Variants in RNF121 observed in about 807,000 individuals in gnomAD.
RNF121 encodes E3 ubiquitin ligase RNF121.
Under a neutral mutation model 46.5 loss-of-function variants are expected in RNF121, and 21 were observed. The ratio of observed to expected loss-of-function variants is 0.45; its 90% CI spans 0.32 to 0.65. The LOEUF (loss-of-function observed/expected upper bound fraction) is 0.65, where lower values mean the gene tolerates loss of function less well. Among genes scored for constraint, RNF121 ranks in the 30% least tolerant of loss-of-function variants. The probability of loss-of-function intolerance (pLI) is 0.04; values close to 1 mark genes in which losing one functional copy is unlikely to be tolerated. For missense variants in RNF121, 346 were observed against 416.0 expected (o/e 0.83, Z 1.46); for synonymous variants, 139 against 144.7 (o/e 0.96, Z 0.28).
intron 6 of RNF121, among the ~76,000 whole-genome samples, chr11:71,991,050 T>G (rs1954854803): frequency 6.6e-6 from 1 of 152,074 alleles, no homozygotes; most frequent in African/African-American, 2.4e-5. Flanking sequence ...ATGGCAACAG[T>G]AGGCACTGGG....
chr11:71,954,159 A>T (rs980029434), intron 1 of RNF121, among the ~76,000 whole-genome samples: 9 of 152,220 alleles, frequency 5.9e-5, no homozygotes, highest in Non-Finnish European at 8.8e-5. Flanking sequence ...GCTTGGCCCC[A>T]AATGAATAAA....
intron 1 of RNF121, among the ~76,000 whole-genome samples, chr11:71,930,900 T>C (rs181662719): frequency 4.6e-5 from 7 of 152,332 alleles, no homozygotes; most frequent in Non-Finnish European, 7.3e-5. Context: ...TATTGCAATC[T>C]CAGCTCACCA....
At chr11:71,995,327 AGGGACTT>A (rs1356441230) in intron 7 of RNF121, 116 bp from the exon 8 acceptor site, 1 of 749,468 alleles carries the variant, frequency 1.3e-6, no homozygotes, top group African/African-American at 1.7e-5. Context: ...GTTCAGACAC[AGGGACTT>A]GCCCAACATT....
intron 1 of RNF121, among the ~76,000 whole-genome samples, chr11:71,956,991 G>C (rs1460684878): frequency 6.6e-6 from 1 of 152,188 alleles, no homozygotes; most frequent in Non-Finnish European, 1.5e-5. Flanking sequence ...GTCCTCCTCT[G>C]CCCTTATTGC....
intron 3 of RNF121, among the ~76,000 whole-genome samples, chr11:71,963,111 C>G (rs1954177444): frequency 6.6e-6 from 1 of 152,088 alleles, no homozygotes; most frequent in African/African-American, 2.4e-5. Context: ...GATAATAGAC[C>G]ATTATCAGAT....
At chr11:71,964,896 AAATCTGTATCAAATTGAATTACCCAC>A (rs1160664025) in intron 3 of RNF121, among the ~76,000 whole-genome samples, 2 of 152,222 alleles carry the variant, frequency 1.3e-5, no homozygotes, top group African/African-American at 4.8e-5. Context: ...GTTAGCTCTG[AAATCTGTATCAAATTGAATTACCCAC>A]AAGAGGTAAA....
chr11:71,933,571 A>C (rs1002605595), intron 1 of RNF121, among the ~76,000 whole-genome samples: 1 of 152,202 alleles, frequency 6.6e-6, no homozygotes, highest in African/African-American at 2.4e-5. Context: ...AGAACCCCTA[A>C]GGTGCTTGAA....
At chr11:71,991,521 G>A (rs1954862873) in intron 6 of RNF121, among the ~76,000 whole-genome samples, 1 of 152,178 alleles carries the variant, frequency 6.6e-6, no homozygotes. Context: ...GCATTATGTA[G>A]GAAAGGTTCA....
At chr11:71,978,535 C>G (rs1369820699) in intron 3 of RNF121, among the ~76,000 whole-genome samples, 2 of 152,186 alleles carry the variant, frequency 1.3e-5, no homozygotes, top group Non-Finnish European at 2.9e-5. Context: ...GGTCTTTGCT[C>G]CTTTGTATGT....
chr11:71,980,756 C>T (rs1009766648), intron 3 of RNF121, among the ~76,000 whole-genome samples: 1 of 152,160 alleles, frequency 6.6e-6, no homozygotes, highest in Non-Finnish European at 1.5e-5. Flanking sequence ...AGCCATCAGT[C>T]CCATGTGGCT....
chr11:71,957,961 T>G (rs2134173407), intron 2 of RNF121, among the ~76,000 whole-genome samples: 1 of 152,328 alleles, frequency 6.6e-6, no homozygotes, highest in East Asian at 1.9e-4. Flanking sequence ...AACTATTGAC[T>G]ATAAAAACAT....
chr11:71,961,784 A>G (rs927141360), intron 3 of RNF121, among the ~76,000 whole-genome samples: 2 of 152,168 alleles, frequency 1.3e-5, no homozygotes, highest in Non-Finnish European at 2.9e-5. Context: ...CTTTAGGTGG[A>G]AAGACACAAG....
intron 3 of RNF121, chr11:71,978,089 T>G: frequency 1.3e-5 from 4 of 310,678 alleles, no homozygotes; most frequent in South Asian, 2.2e-5. Flanking sequence ...TTTTAAGAGG[T>G]GGGGTTTCAC....
At chr11:71,994,986 C>T in intron 7 of RNF121, 134 bp downstream of exon 7, 1 of 1,165,638 alleles carries the variant, frequency 8.6e-7, no homozygotes, top group Non-Finnish European at 1.2e-6. Flanking sequence ...AAGAGGGCCA[C>T]CTTCCCTACC....
In RNF121 at chr11:71,996,403, G is replaced by A; in HGVS notation, c.*88G>A. 1 of 1,533,612 alleles carries A rather than the reference G, an allele frequency of 6.5e-7. No homozygotes were observed. The highest frequency in any genetic ancestry group is 8.8e-7 in the Non-Finnish European group (1 of 1,132,904). On this transcript the variant is annotated 3_prime_UTR_variant, in exon 9 of 9. Coordinates refer to ENST00000361756, the MANE Select transcript of RNF121 (RefSeq NM_018320.5). The stretch of plus-strand genomic sequence containing the variant: ...CTGCCCACAAAGACCTCCTGGGTGG[G>A]AAAGACTCAAAGGGGTGCTTGGGCC...
chr11:71,963,472 T>C (rs746917639), intron 3 of RNF121, among the ~76,000 whole-genome samples: 2 of 151,980 alleles, frequency 1.3e-5, no homozygotes, highest in Non-Finnish European at 2.9e-5. Context: ...AATACAAAAA[T>C]AGCTGGGCGT....
intron 3 of RNF121, among the ~76,000 whole-genome samples, chr11:71,973,599 C>A (rs1954464941): frequency 1.3e-5 from 2 of 152,074 alleles, no homozygotes; most frequent in South Asian, 4.1e-4. Flanking sequence ...CCAGCCTGAC[C>A]AACATGGTAA....
Position 71,990,721 on chromosome 11 carries a change from A to C in RNF121, c.627+4A>C. On this transcript the variant is annotated splice_donor_region_variant and intron_variant, in intron 6 of 8. Coordinates refer to ENST00000361756, the MANE Select transcript of RNF121 (RefSeq NM_018320.5). The stretch of plus-strand genomic sequence containing the variant: ...CTACATGGCATCTACCATAGGGGTA[A>C]GTTCATCCGGGTTCTTAAATACTGC... 4 of 1,613,306 alleles carry C rather than the reference A, an allele frequency of 2.5e-6. No homozygotes were observed. Among genetic ancestry groups the C allele is most frequent in the Non-Finnish European group, 3.4e-6 (4 of 1,179,810 alleles).
In RNF121 at chr11:71,958,459, AT is replaced by A. The variant is rs75763230; in HGVS notation, c.101+1205del. On this transcript the variant is annotated intron_variant, in intron 2 of 8. Transcript: ENST00000361756. Reference sequence around the variant, plus strand: ...ATGGACTGAAGCTATAAGAAGATAGATTTTTTTTTTGTCTCATTGTCAGAAC... The same window carrying A: ...ATGGACTGAAGCTATAAGAAGATAGATTTTTTTTTGTCTCATTGTCAGAAC... 1.1e-3 allele frequency among the ~76,000 whole-genome samples: 166 copies of A among 150,862 alleles called. 2 individuals carry two copies. Among genetic ancestry groups the A allele is most frequent in the East Asian group, 9.7e-3 (50 of 5,140 alleles).
Sources: allele counts gnomAD v4.1 joint callset (sites outside exome capture counted in the v4.1 genomes callset), GRCh38; gene constraint gnomAD v4.1.1; transcripts MANE v1.5; gene names NCBI Gene and HGNC (gene_info 2026-07-23, HGNC 2026-07-21).